PTH2R: variants seen among roughly 807,000 people sequenced by gnomAD.
The protein encoded by PTH2R is parathyroid hormone 2 receptor.
In PTH2R, 59 loss-of-function variants were observed where a neutral mutation model predicts 60.3. The observed-to-expected ratio is 0.98, with a 90% CI of 0.79 to 1.22. The LOEUF (loss-of-function observed/expected upper bound fraction) is 1.22, where lower values mean the gene tolerates loss of function less well. PTH2R is among the 50% of genes most tolerant of loss of function. The pLI is 0.00. For synonymous variants in PTH2R, 256 were observed against 243.8 expected (o/e 1.05, Z -0.47); for missense variants, 749 against 682.6 (o/e 1.10, Z -1.08).
chr2:208,428,850 C>G (rs1031492816), intron 2 of PTH2R, among the ~76,000 whole-genome samples: 1 of 152,058 alleles, frequency 6.6e-6, no homozygotes, highest in Non-Finnish European at 1.5e-5. Flanking sequence ...TTTGGGAGGC[C>G]GAGGTGGGCG....
chr2:208,450,723 G>T (rs114260685), intron 7 of PTH2R, 26 bp from the exon 8 acceptor site: 1 of 1,513,790 alleles, frequency 6.6e-7, no homozygotes, highest in Non-Finnish European at 9.0e-7. Context: ...AATAAATCTA[G>T]TCTCTGAATC....
chr2:208,370,321 T>C (rs1205490448), intron 1 of PTH2R, among the ~76,000 whole-genome samples: 1 of 151,220 alleles, frequency 6.6e-6, no homozygotes, highest in Non-Finnish European at 1.5e-5. Flanking sequence ...CGGGCACCTG[T>C]AGTCCCAGCT....
rs148656389 is a variant in PTH2R at position 208,437,797 on chromosome 2, G to T, written c.327G>T (p.Trp109Cys). ...AFRHCNPNGT[W>C]DFMHSLNKTW... ...GACACTGTAACCCCAATGGAACATG[G>T]GATTTTATGCACAGCTTAAATAAAA... Residue 109 changes from tryptophan to cysteine, a missense_variant, in exon 4 of 13, where the codon TGG becomes TGT. Trp to Cys is a radical substitution (Grantham distance 215). Coordinates refer to ENST00000272847, the MANE Select transcript of PTH2R (RefSeq NM_005048.4). 1,140 of 1,613,700 alleles carry T rather than the reference G, an allele frequency of 7.1e-4. 4 individuals are homozygous for T. Among genetic ancestry groups the T allele is most frequent in the Non-Finnish European group, 6.2e-4 (727 of 1,179,726 alleles).
At chr2:208,393,571 C>CT (rs1259158597) in intron 1 of PTH2R, among the ~76,000 whole-genome samples, 2 of 152,196 alleles carry the variant, frequency 1.3e-5, no homozygotes, top group Admixed American at 1.3e-4. Flanking sequence ...CCTCTCTCCT[C>CT]TTTTTCTCCT....
chr2:208,443,617 T>C (rs1187498529), intron 6 of PTH2R, 80 bp downstream of exon 6: 1 of 1,228,852 alleles, frequency 8.1e-7, no homozygotes, highest in African/African-American at 1.5e-5. Flanking sequence ...CCACTAAACA[T>C]GTTAACTTGC....
At chr2:208,438,093 T>C (rs1702112254) in intron 4 of PTH2R, among the ~76,000 whole-genome samples, 1 of 152,240 alleles carries the variant, frequency 6.6e-6, no homozygotes, top group Non-Finnish European at 1.5e-5. Context: ...GATACATACA[T>C]CCATACTTAT....
chr2:208,461,245 AT>A (rs1478894821), intron 9 of PTH2R, among the ~76,000 whole-genome samples: 3 of 152,106 alleles, frequency 2.0e-5, no homozygotes, highest in Non-Finnish European at 4.4e-5. Context: ...AACACCTGTA[AT>A]TTTAATTTTT....
chr2:208,477,980 C>CTACTACTAGTACTACTAGT (rs1559231947), intron 9 of PTH2R, among the ~76,000 whole-genome samples: 1 of 64,280 alleles, frequency 1.6e-5, no homozygotes, highest in African/African-American at 3.3e-5. Flanking sequence ...GTACTACTAG[C>CTACTACTAGTACTACTAGT]ACTACTACTA....
At chr2:208,377,667 C>CTGGG (rs1700826559) in intron 1 of PTH2R, among the ~76,000 whole-genome samples, 1 of 150,750 alleles carries the variant, frequency 6.6e-6, no homozygotes, top group Non-Finnish European at 1.5e-5. Flanking sequence ...GGGGCAGCTG[C>CTGGG]CGGGCGGAGG....
At chr2:208,460,204 T>A (rs1429667338) in intron 9 of PTH2R, among the ~76,000 whole-genome samples, 1 of 152,130 alleles carries the variant, frequency 6.6e-6, no homozygotes, top group Non-Finnish European at 1.5e-5. Flanking sequence ...CTTCAAAATA[T>A]CTATGAGCAT....
At chr2:208,461,666 A>G (rs554157299) in intron 9 of PTH2R, among the ~76,000 whole-genome samples, 27 of 152,326 alleles carry the variant, frequency 1.8e-4, no homozygotes, top group African/African-American at 6.0e-4. Context: ...AGATCCTTGT[A>G]AAATTATCAG....
chr2:208,453,036 T>C (rs577472463), intron 8 of PTH2R, among the ~76,000 whole-genome samples: 2 of 152,206 alleles, frequency 1.3e-5, no homozygotes, highest in Non-Finnish European at 2.9e-5. Flanking sequence ...CTTCAGTTGA[T>C]TTAACACATC....
chr2:208,418,747 T>G (rs1226935526), intron 1 of PTH2R, among the ~76,000 whole-genome samples: 2 of 152,178 alleles, frequency 1.3e-5, no homozygotes, highest in African/African-American at 4.8e-5. Flanking sequence ...CCTCTTTTTT[T>G]GCACAAAAGG....
chr2:208,481,593 T>C (rs1703154355), intron 10 of PTH2R, among the ~76,000 whole-genome samples: 1 of 152,190 alleles, frequency 6.6e-6, no homozygotes, highest in Admixed American at 6.5e-5. Context: ...GTATATTTAT[T>C]GTGTGATTTA....
chr2:208,443,143 A>G (rs79021437), intron 5 of PTH2R, among the ~76,000 whole-genome samples: 7,029 of 152,290 alleles, frequency 0.046, 324 homozygotes, highest in African/African-American at 0.11. Flanking sequence ...TAAAGTAACA[A>G]GATGATGTAC....
rs575982225 is a variant in PTH2R at position 208,462,634 on chromosome 2, C to T, written c.981+2673C>T. ...ACAGTGATTATTTCACTTAGAATGCCAAAGACCAGAGCTCTGTAAGCATGA... is the reference window on the plus strand; with the variant it reads ...ACAGTGATTATTTCACTTAGAATGCTAAAGACCAGAGCTCTGTAAGCATGA... On this transcript the variant is annotated intron_variant, in intron 9 of 12. Coordinates refer to ENST00000272847, the MANE Select transcript of PTH2R (RefSeq NM_005048.4). Among the ~76,000 whole-genome samples, 109 of 152,196 alleles carry T rather than the reference C, an allele frequency of 7.2e-4. 1 individual carries two copies. Among genetic ancestry groups the T allele is most frequent in the Middle Eastern group, 3.4e-3 (1 of 294 alleles).
intron 9 of PTH2R, among the ~76,000 whole-genome samples, chr2:208,477,904 C>G (rs975859021): frequency 4.1e-5 from 6 of 147,186 alleles, no homozygotes; most frequent in East Asian, 2.2e-4. Context: ...AGCACTACTA[C>G]TAGTACTAGC....
At chr2:208,415,840 G>C (rs1701630240) in intron 1 of PTH2R, among the ~76,000 whole-genome samples, 1 of 152,156 alleles carries the variant, frequency 6.6e-6, no homozygotes, top group South Asian at 2.1e-4. Context: ...TCATTTGTTA[G>C]CTAAGCGAGG....
chr2:208,383,869 T>C (rs1198003270), intron 1 of PTH2R, among the ~76,000 whole-genome samples: 4 of 152,162 alleles, frequency 2.6e-5, no homozygotes, highest in Non-Finnish European at 5.9e-5. Context: ...CAGATCTCCA[T>C]GCTGAGTGTC....
Sources: gnomAD v4.1 joint callset for allele counts (sites outside exome capture counted in the v4.1 genomes callset) on GRCh38, gnomAD v4.1.1 for gene constraint, MANE v1.5 for transcripts, NCBI Gene and HGNC (gene_info 2026-07-23, HGNC 2026-07-21) for gene names.